Variants in PRR14 observed in about 807,000 individuals in gnomAD.
PRR14 encodes proline-rich protein 14.
Under a neutral mutation model 57.2 loss-of-function variants are expected in PRR14, and 33 were observed. The ratio of observed to expected loss-of-function variants is 0.58; its 90% CI spans 0.44 to 0.77. The LOEUF (loss-of-function observed/expected upper bound fraction) is 0.77. PRR14 is among the 30% of genes least tolerant of loss of function. The pLI, the probability that PRR14 is intolerant of heterozygous loss-of-function variation, is 0.00. For missense variants in PRR14, 716 were observed against 788.1 expected (o/e 0.91, Z 1.10); for synonymous variants, 303 against 314.7 (o/e 0.96, Z 0.39).
rs2052369004 is a variant in PRR14 at position 30,656,071 on chromosome 16, T to C, written c.1518T>C (p.Asn506=). 4.5e-6 allele frequency: 7 copies of C among 1,552,964 alleles called. No homozygotes were observed. The highest frequency in any genetic ancestry group is 1.2e-5 in the South Asian group (1 of 80,722). Residue 506 remains asparagine (N), a synonymous_variant, in exon 12 of 12, where the codon AAT becomes AAC. Transcript: ENST00000300835. ...ETIFEEPRER[N]GTLIFTSSRK... ...TCTTTGAGGAACCCCGGGAGCGCAA[T>C]GGGACTCTGATTTTCACCAGCTCAA...
rs765648177 is a variant in PRR14 at position 30,654,933 on chromosome 16, A to G, written c.963A>G (p.Ala321=). The change falls in exon 8 of 12, where the codon GCA becomes GCG. Residue 321 remains alanine, a synonymous_variant. Transcript: ENST00000300835. ...QWRTQDHNTP[A]LLPKPSLGRS... is the part of the protein sequence containing the mutation. ...GAACTCAGGACCACAATACCCCAGC[A>G]CTTCTCCCTAAGCCCTCTCTGGGCC... 6 of 1,612,736 alleles carry G rather than the reference A, an allele frequency of 3.7e-6. No homozygotes were observed. In the African/African-American group the frequency reaches 8.0e-5, roughly 22 times the overall value.
At chr16:30,653,169 A>T (rs2052331329) in intron 5 of PRR14, 66 bp downstream of exon 5, 2 of 1,497,664 alleles carry the variant, frequency 1.3e-6, no homozygotes, top group Non-Finnish European at 1.8e-6. Context: ...GAAGGGTAGG[A>T]GGCCTGAGTC....
At position 30,652,750 on chromosome 16, in the gene PRR14, C is replaced by A; in HGVS notation, c.222C>A (p.Ser74=). 2 of 1,614,212 alleles carry A rather than the reference C, an allele frequency of 1.2e-6. No individual in the cohort carries two copies. The highest frequency in any genetic ancestry group is 1.7e-6 in the Non-Finnish European group (2 of 1,180,042). Residue 74 remains serine (S), a synonymous_variant, in exon 4 of 12, where the codon TCC becomes TCA. Transcript: ENST00000300835. ...CCGTGGTGCCCTCAAAGCAGACCTCCATACCACAGCACCACAGCTACCATC... is the reference window on the plus strand; with the variant it reads ...CCGTGGTGCCCTCAAAGCAGACCTCAATACCACAGCACCACAGCTACCATC... The part of the protein sequence containing the change: ...MVPVVPSKQT[S]IPQHHSYHQD...
In PRR14 at chr16:30,653,035, G is replaced by A; in HGVS notation, c.436G>A (p.Asp146Asn). ...GPEEGPSQKV[D>N]RAPQPTLVVM... ...AGAGGAGGGCCCTTCACAAAAGGTG[G>A]ACCGGGCCCCCCAGCCCACCCTGGT... The change falls in exon 5 of 12, where the codon GAC (aspartate) becomes AAC (asparagine). Residue 146 changes from aspartate to asparagine, a missense_variant. By Grantham distance (23) the Asp-to-Asn change is conservative. Transcript: ENST00000300835. 1 of 1,613,984 alleles carries A rather than the reference G, an allele frequency of 6.2e-7. No individual in the cohort carries two copies. The highest frequency in any genetic ancestry group is 8.5e-7 in the Non-Finnish European group (1 of 1,179,978).
chr16:30,652,219 T>A (rs1361126712), intron 3 of PRR14: 1 of 648,272 alleles, frequency 1.5e-6, no homozygotes, highest in Non-Finnish European at 2.8e-6. Flanking sequence ...CTCTTCTGCT[T>A]CTTTTTTTCT....
intron 3 of PRR14, chr16:30,652,411 G>A (rs1297406126): frequency 1.9e-5 from 11 of 573,088 alleles, no homozygotes; most frequent in Non-Finnish European, 3.5e-5. Context: ...AGCAGGCTGA[G>A]GTCTTTGACT....
In PRR14 at chr16:30,655,627, C is replaced by T. The variant is rs1317136444; in HGVS notation, c.1406+34C>T. The T allele has an allele frequency of 1.3e-6, 2 of 1,583,040 alleles. No homozygotes were observed. The highest frequency in any genetic ancestry group is 1.7e-6 in the Non-Finnish European group (2 of 1,152,348). ...CTCACTGGGCATTGAGCCATCTTGGCCAAACAGATGCAGGCTTATGTCCCC... is the reference window on the plus strand; with the variant it reads ...CTCACTGGGCATTGAGCCATCTTGGTCAAACAGATGCAGGCTTATGTCCCC... On this transcript the variant is annotated intron_variant, in intron 10 of 11. Coordinates refer to ENST00000300835, the MANE Select transcript of PRR14 (RefSeq NM_024031.5). This position sits in a 1 kb window ranked among gnomAD's most constrained non-coding sequence, Gnocchi z 4.6.
chr16:30,653,517 T>G, intron 6 of PRR14, 109 bp downstream of exon 6: 1 of 1,227,776 alleles, frequency 8.1e-7, no homozygotes, highest in Middle Eastern at 2.4e-4. Flanking sequence ...CCTTGTGGCA[T>G]CTTAAAAAGC....
At chr16:30,653,884 G>T (rs1301592425) in intron 6 of PRR14, among the ~76,000 whole-genome samples, 1 of 152,180 alleles carries the variant, frequency 6.6e-6, no homozygotes, top group Non-Finnish European at 1.5e-5. Context: ...CCAGGCTCTT[G>T]AACTCCTGAC....
Position 30,652,954 on chromosome 16 carries a change from C to T in PRR14, c.355C>T (p.Arg119Cys), listed in dbSNP as rs750733825. 8.1e-6 allele frequency: 13 copies of T among 1,614,078 alleles called. 1 individual carries two copies. The highest frequency in any genetic ancestry group is 1.7e-5 in the Admixed American group (1 of 60,018). ...PLCLCREPLSRIHRTSSTLRR... is the reference protein window; with the variant it reads ...PLCLCREPLSCIHRTSSTLRR... ...GTGTTTGTGTCGCGAGCCCTTGAGC[C>T]GCATCCACCGGACCTCTTCCACCCT... The change falls in exon 5 of 12, where the codon CGC (arginine) becomes TGC (cysteine). Residue 119 changes from arginine to cysteine, a missense_variant. Arg to Cys is a radical substitution (Grantham distance 180). Coordinates refer to ENST00000300835, the MANE Select transcript of PRR14 (RefSeq NM_024031.5).
Position 30,651,752 on chromosome 16 carries a change from G to A in PRR14, c.24-44G>A. ...ACCGTGCCGGGAAACTACAGAGCCA[G>A]CGACAGGTTCGGGCGACCGTCCTCT... On this transcript the variant is annotated intron_variant, in intron 2 of 11. Transcript: ENST00000300835. This position sits in a 1 kb window ranked among gnomAD's most constrained non-coding sequence, Gnocchi z 5.0. 2 of 1,610,786 alleles carry A rather than the reference G, an allele frequency of 1.2e-6. No homozygotes were observed. The highest frequency in any genetic ancestry group is 1.7e-6 in the Non-Finnish European group (2 of 1,179,790).
At chr16:30,654,446 A>C (rs1309273610) in intron 7 of PRR14, 107 bp downstream of exon 7, 2 of 1,037,786 alleles carry the variant, frequency 1.9e-6, no homozygotes, top group Non-Finnish European at 3.0e-6. Context: ...GCCACCTCCC[A>C]GGGCAGGGCT....
rs978004898 is a variant in PRR14 at position 30,654,653 on chromosome 16, C to T, written c.683C>T (p.Pro228Leu). Residue 228 changes from proline to leucine, a missense_variant, in exon 8 of 12, where the codon CCA becomes CTA. Pro to Leu is a moderately conservative substitution (Grantham distance 98). Coordinates refer to ENST00000300835, the MANE Select transcript of PRR14 (RefSeq NM_024031.5). ...PTAPDPALEL[P>L]STPPPSSLLR... ...GCCCCAGATCCTGCTCTGGAGCTCC[C>T]ATCCACCCCACCACCGTCCAGCCTT... is the stretch of plus-strand genomic sequence containing the variant. 2 of 1,609,586 alleles carry T rather than the reference C, an allele frequency of 1.2e-6. No homozygotes were observed. Among genetic ancestry groups the T allele is most frequent in the African/African-American group, 2.7e-5 (2 of 74,956 alleles).
intron 7 of PRR14, 95 bp from the exon 8 acceptor site, chr16:30,654,533 TG>T: frequency 9.3e-7 from 1 of 1,073,098 alleles, no homozygotes; most frequent in Non-Finnish European, 1.4e-6. Flanking sequence ...GTTTTAAGGG[TG>T]GGCTAATTCC....
chr16:30,655,311 G>C lies in PRR14; in HGVS notation c.1245-40G>C. 1.2e-6 allele frequency: 2 copies of C among 1,612,600 alleles called. No homozygotes were observed. The highest frequency in any genetic ancestry group is 1.7e-6 in the Non-Finnish European group (2 of 1,178,854). ...TGGGCAGGAGACGGGGGATAATGCA[G>C]TGAATCCTGTTTGTCCCTGAGCCTT... is the stretch of plus-strand genomic sequence containing the variant. On this transcript the variant is annotated intron_variant, in intron 8 of 11. Transcript: ENST00000300835. The surrounding 1 kb of genome is among the most constrained non-coding windows in gnomAD (Gnocchi z 4.6).
In PRR14 at chr16:30,655,227, A is replaced by G; in HGVS notation, c.1244+13A>G. 2 of 1,591,410 alleles carry G rather than the reference A, an allele frequency of 1.3e-6. No individual in the cohort carries two copies. The highest frequency in any genetic ancestry group is 1.7e-6 in the Non-Finnish European group (2 of 1,166,926). On this transcript the variant is annotated intron_variant, in intron 8 of 11. Coordinates refer to ENST00000300835, the MANE Select transcript of PRR14 (RefSeq NM_024031.5). The surrounding 1 kb of genome is among the most constrained non-coding windows in gnomAD (Gnocchi z 4.6). Reference sequence around the variant, plus strand: ...CAGCAGAACCCAGGTAGTGCTCTCAAAAAACCCCCTTGAAGCCTGGCTGCA... The same window carrying G: ...CAGCAGAACCCAGGTAGTGCTCTCAGAAAACCCCCTTGAAGCCTGGCTGCA...
intron 6 of PRR14, 28 bp downstream of exon 6, chr16:30,653,436 A>C (rs1226824551): frequency 1.2e-6 from 2 of 1,608,860 alleles, no homozygotes; most frequent in Non-Finnish European, 1.7e-6. Flanking sequence ...GGGATTATCA[A>C]AGGATCCAGG....
chr16:30,653,144 G>A (rs768094312), intron 5 of PRR14, 41 bp downstream of exon 5: 4 of 1,540,162 alleles, frequency 2.6e-6, no homozygotes, highest in Non-Finnish European at 2.6e-6. Flanking sequence ...GTTCTGCTGG[G>A]TTCCAGCAGG....
chr16:30,654,968 C>A lies in PRR14; in HGVS notation c.998C>A (p.Ser333Tyr), dbSNP rs1353512207. 2 of 1,611,422 alleles carry A rather than the reference C, an allele frequency of 1.2e-6. No individual in the cohort carries two copies. Among genetic ancestry groups the A allele is most frequent in the Non-Finnish European group, 1.7e-6 (2 of 1,180,012 alleles). The part of the protein sequence containing the change: ...LPKPSLGRSY[S>Y]CPDLGPPGPG... ...AAGCCCTCTCTGGGCCGAAGCTACT[C>A]CTGCCCTGATCTGGGGCCCCCTGGC... Residue 333 changes from serine to tyrosine, a missense_variant, in exon 8 of 12, where the codon TCC becomes TAC. Coordinates refer to ENST00000300835, the MANE Select transcript of PRR14 (RefSeq NM_024031.5).
Sources: gnomAD v4.1 joint callset for allele counts (sites outside exome capture counted in the v4.1 genomes callset) on GRCh38, gnomAD v4.1.1 for gene constraint, Gnocchi (gnomAD v3.1) non-coding constraint, MANE v1.5 for transcripts, NCBI Gene and HGNC (gene_info 2026-07-23, HGNC 2026-07-21) for gene names.